Variants in EYA3 observed in about 807,000 individuals in gnomAD.
EYA3 encodes the protein EYA transcriptional coactivator and phosphatase 3, also known as protein phosphatase EYA3.
EYA3 carries 39 observed loss-of-function variants against 80.0 expected under a neutral mutation model. The observed-to-expected ratio is 0.49, with a 90% CI of 0.38 to 0.64. The LOEUF is 0.64. Ranked by LOEUF, EYA3 falls within the 30% of genes least tolerant of loss-of-function variation. The probability of loss-of-function intolerance (pLI) is 0.00; values close to 1 mark genes in which losing one functional copy is unlikely to be tolerated. For synonymous variants in EYA3, 206 were observed against 232.8 expected (o/e 0.88, Z 1.05); for missense variants, 523 against 676.1 (o/e 0.77, Z 2.51).
chr1:27,986,399 ATTTTT>A (rs111866821), intron 16 of EYA3, among the ~76,000 whole-genome samples: 2 of 135,320 alleles, frequency 1.5e-5, no homozygotes, highest in African/African-American at 5.5e-5. Flanking sequence ...CTCTCTTAAC[ATTTTT>A]TTTTTTTTTT....
At chr1:28,031,536 A>T (rs1040315379) in intron 6 of EYA3, among the ~76,000 whole-genome samples, 5 of 152,222 alleles carry the variant, frequency 3.3e-5, no homozygotes, top group Non-Finnish European at 7.3e-5. Flanking sequence ...GTCTTATCAC[A>T]AACTCTACCC....
At position 28,011,013 on chromosome 1, in the gene EYA3, G is replaced by A. The variant is rs1323292148; in HGVS notation, c.843C>T (p.Asn281=). The A allele has an allele frequency of 6.8e-6, 11 of 1,614,094 alleles. No individual in the cohort carries two copies. Among genetic ancestry groups the A allele is most frequent in the Non-Finnish European group, 9.3e-6 (11 of 1,179,998 alleles). The change falls in exon 10 of 18, where the codon AAC becomes AAT. Residue 281 remains asparagine (N), a synonymous_variant. Transcript: ENST00000373871. ...TCTTGCCCCGGTTCTTGCTAGTCATGTTTTTCCTGGACTGATCATCAGTAT... is the reference window on the plus strand; with the variant it reads ...TCTTGCCCCGGTTCTTGCTAGTCATATTTTTCCTGGACTGATCATCAGTAT... The part of the protein sequence containing the change: ...SKDTDDQSRK[N]MTSKNRGKRK...
chr1:28,082,611 TA>T (rs1235835468), intron 1 of EYA3, among the ~76,000 whole-genome samples: 24 of 152,160 alleles, frequency 1.6e-4, no homozygotes, highest in Non-Finnish European at 2.9e-4. Flanking sequence ...TAATTTCACA[TA>T]AATTTCCAAA....
intron 1 of EYA3, among the ~76,000 whole-genome samples, chr1:28,070,928 T>C (rs564492488): frequency 6.6e-6 from 1 of 152,278 alleles, no homozygotes; most frequent in South Asian, 2.1e-4. Context: ...CTATACTGTT[T>C]TTTGTTTGTT....
At chr1:27,988,717 C>T (rs756456845) in intron 15 of EYA3, 61 bp from the exon 16 acceptor site, 8 of 1,582,018 alleles carry the variant, frequency 5.1e-6, no homozygotes, top group South Asian at 1.1e-5. Flanking sequence ...AGCAAGAATT[C>T]GTATGTGCCA....
intron 2 of EYA3, among the ~76,000 whole-genome samples, chr1:28,049,418 AC>A (rs1265457179): frequency 6.6e-5 from 10 of 152,228 alleles, no homozygotes; most frequent in East Asian, 1.9e-4. Context: ...ATTTAAAAAA[AC>A]ATTTCTAAAT....
At chr1:28,037,551 T>C (rs1643524575) in intron 5 of EYA3, among the ~76,000 whole-genome samples, 1 of 151,576 alleles carries the variant, frequency 6.6e-6, no homozygotes, top group Non-Finnish European at 1.5e-5. Context: ...CATAATGTCC[T>C]TTTTCATGCA....
At chr1:27,989,372 T>C (rs1639881490) in intron 15 of EYA3, among the ~76,000 whole-genome samples, 2 of 152,372 alleles carry the variant, frequency 1.3e-5, no homozygotes, top group South Asian at 4.1e-4. Flanking sequence ...CCTAGGACAT[T>C]GTAATAACAT....
At chr1:28,080,487 T>C (rs1645383310) in intron 1 of EYA3, among the ~76,000 whole-genome samples, 2 of 151,980 alleles carry the variant, frequency 1.3e-5, no homozygotes, top group Non-Finnish European at 1.5e-5. Flanking sequence ...CAAAATAGAA[T>C]AGAAAATATT....
At chr1:28,003,519 A>G (rs1020445016) in intron 11 of EYA3, among the ~76,000 whole-genome samples, 2 of 152,098 alleles carry the variant, frequency 1.3e-5, no homozygotes, top group African/African-American at 4.8e-5. Context: ...ACCTACTAAC[A>G]AAAACATTAG....
rs547924578 is a variant in EYA3 at position 28,063,632 on chromosome 1, G to A, written c.-68-5538C>T. Among the ~76,000 whole-genome samples, 3 of 152,192 alleles carry A rather than the reference G, an allele frequency of 2.0e-5. No individual in the cohort carries two copies. In the South Asian group the frequency reaches 6.2e-4, roughly 32 times the overall value. ...CAAAGTGCTGGGATTACAGGTGTGA[G>A]CCACCACATCCGGCCTAAAACCTTT... On this transcript the variant is annotated intron_variant, in intron 1 of 17. Coordinates refer to ENST00000373871, the MANE Select transcript of EYA3 (RefSeq NM_001990.4).
chr1:28,002,269 G>A (rs1299950734), intron 11 of EYA3, among the ~76,000 whole-genome samples: 1 of 151,764 alleles, frequency 6.6e-6, no homozygotes, highest in Non-Finnish European at 1.5e-5. Flanking sequence ...GGCTGGTCTC[G>A]AATTCCTGGC....
intron 1 of EYA3, among the ~76,000 whole-genome samples, chr1:28,060,700 CACAAATA>C (rs1345863194): frequency 6.6e-6 from 1 of 152,082 alleles, no homozygotes; most frequent in African/African-American, 2.4e-5. Flanking sequence ...ATAAAAAGTA[CACAAATA>C]ATTTCTACAT....
chr1:27,991,419 T>C (rs910393074), intron 14 of EYA3, among the ~76,000 whole-genome samples: 1 of 152,116 alleles, frequency 6.6e-6, no homozygotes, highest in Admixed American at 6.6e-5. Flanking sequence ...TACCCAAGAC[T>C]AGATATCTAA....
chr1:28,069,755 C>G lies in EYA3; in HGVS notation c.-68-11661G>C, dbSNP rs76648251. Among the ~76,000 whole-genome samples the G allele has an allele frequency of 1.1e-3, 163 of 152,128 alleles. 4 individuals carry two copies. In the East Asian group the frequency reaches 0.021, roughly 20 times the overall value. ...CAAAGATGGGTCCATAGCCTAATACCCAGATCCTGTGAATGTTCACTTATT... is the reference window on the plus strand; with the variant it reads ...CAAAGATGGGTCCATAGCCTAATACGCAGATCCTGTGAATGTTCACTTATT... On this transcript the variant is annotated intron_variant, in intron 1 of 17. Coordinates refer to ENST00000373871, the MANE Select transcript of EYA3 (RefSeq NM_001990.4).
intron 1 of EYA3, among the ~76,000 whole-genome samples, chr1:28,063,172 A>G (rs1282144628): frequency 6.6e-6 from 1 of 151,954 alleles, no homozygotes; most frequent in African/African-American, 2.4e-5. Flanking sequence ...ATGTACAGAG[A>G]TATTCAGGAG....
intron 1 of EYA3, among the ~76,000 whole-genome samples, chr1:28,067,542 GA>G (rs1039163668): frequency 5.3e-5 from 8 of 151,920 alleles, no homozygotes; most frequent in South Asian, 2.1e-4. Flanking sequence ...TTTTCCATTA[GA>G]AAAAAAATTT....
chr1:28,032,650 T>C (rs1490642761), intron 6 of EYA3, among the ~76,000 whole-genome samples: 7 of 152,188 alleles, frequency 4.6e-5, no homozygotes, highest in African/African-American at 1.7e-4. Context: ...CTCCTTCAGA[T>C]TCCTAGAAGT....
chr1:28,051,196 T>C (rs1644234078), intron 2 of EYA3, among the ~76,000 whole-genome samples: 1 of 152,178 alleles, frequency 6.6e-6, no homozygotes, highest in Non-Finnish European at 1.5e-5. Context: ...TCAGAATCTC[T>C]TTTTGCATGA....
Sources: gnomAD v4.1 joint callset for allele counts (sites outside exome capture counted in the v4.1 genomes callset) on GRCh38, gnomAD v4.1.1 for gene constraint, MANE v1.5 for transcripts, NCBI Gene and HGNC (gene_info 2026-07-23, HGNC 2026-07-21) for gene names.